PCDHGA7: variants seen among roughly 807,000 people sequenced by gnomAD.
The protein encoded by PCDHGA7 is protocadherin gamma subfamily A, 7, also known as protocadherin gamma-A7.
In PCDHGA7, 44 loss-of-function variants were observed where a neutral mutation model predicts 58.3. The observed-to-expected ratio is 0.75, with a 90% confidence interval of 0.59 to 0.97. PCDHGA7 has a LOEUF of 0.97. Ranked by LOEUF, PCDHGA7 falls within the 50% of genes least tolerant of loss-of-function variation. The pLI, the probability that PCDHGA7 is intolerant of heterozygous loss-of-function variation, is 0.00. For synonymous variants in PCDHGA7, 516 were observed against 504.2 expected, an observed-to-expected ratio of 1.02 and a Z score of -0.31; for missense variants, 1,266 against 1,188.7, an observed-to-expected ratio of 1.06 and a Z score of -0.96.
At position 141,485,060 on chromosome 5, in the gene PCDHGA7, G is replaced by A. The variant is rs191055161; in HGVS notation, c.2425-9747G>A. 155 of 862,304 alleles carry A rather than the reference G, an allele frequency of 1.8e-4. No individual in the cohort carries two copies. The African/African-American group carries it at 2.3e-3, about 13-fold the overall frequency. 53.4% of individuals were successfully genotyped at this position (862,304 alleles called of 1,614,324 possible). ...ACCCTTGCGGCGCCGGCCGAACCGCGCCAGAGCTGGCGCGGGGAAAGGGAG... is the reference window on the plus strand; with the variant it reads ...ACCCTTGCGGCGCCGGCCGAACCGCACCAGAGCTGGCGCGGGGAAAGGGAG... On this transcript the variant is annotated intron_variant, in intron 1 of 3. Transcript: ENST00000518325. This position sits in a 1 kb window ranked among gnomAD's most constrained non-coding sequence, Gnocchi z 5.7.
At chr5:141,418,823 A>G (rs985060966) in intron 1 of PCDHGA7, 7 of 1,613,868 alleles carry the variant, frequency 4.3e-6, no homozygotes, top group Admixed American at 3.3e-5. Context: ...CATAGAAGCA[A>G]AAGACCGAGG....
Position 141,410,674 on chromosome 5 carries a change from A to G in PCDHGA7, c.2424+25351A>G. 3.2e-6 allele frequency: 5 copies of G among 1,551,418 alleles called. No homozygotes were observed. In the South Asian group the frequency reaches 3.6e-5, roughly 11 times the overall value. On this transcript the variant is annotated intron_variant, in intron 1 of 3. Coordinates refer to ENST00000518325, the MANE Select transcript of PCDHGA7 (RefSeq NM_018920.4). ...ATCTAATAGTCTACTAGTTTCTCATATTTTAGGCATACTACTTTATTTTCA... is the reference window on the plus strand; with the variant it reads ...ATCTAATAGTCTACTAGTTTCTCATGTTTTAGGCATACTACTTTATTTTCA...
chr5:141,398,747 A>G (rs1046077050), intron 1 of PCDHGA7: 5 of 1,613,378 alleles, frequency 3.1e-6, no homozygotes, highest in Non-Finnish European at 4.2e-6. Flanking sequence ...CAACAGAGTT[A>G]CCATCGTTTA....
At chr5:141,411,846 T>C (rs962000304) in intron 1 of PCDHGA7, 1 of 151,734 alleles carries the variant, frequency 6.6e-6, no homozygotes, top group African/African-American at 2.4e-5. Context: ...GGTGACAGAG[T>C]GAGACCCTGT....
rs2099687792 is a variant in PCDHGA7, at chr5:141,489,485, G to GT, written c.2425-5321dup. Reference sequence around the variant, plus strand: ...TATTTTTCCCTGAGCTTGATGAGTGGTGCCCTGGCAGTGAATCAAAAGATT... The same window carrying GT: ...TATTTTTCCCTGAGCTTGATGAGTGGTTGCCCTGGCAGTGAATCAAAAGATT... On this transcript the variant is annotated intron_variant, in intron 1 of 3. Coordinates refer to ENST00000518325, the MANE Select transcript of PCDHGA7 (RefSeq NM_018920.4). This position sits in a 1 kb window ranked among gnomAD's most constrained non-coding sequence, Gnocchi z 4.5. The GT allele has an allele frequency of 6.2e-7, 1 of 1,614,088 alleles. No individual in the cohort carries two copies. The highest frequency in any genetic ancestry group is 2.2e-5 in the East Asian group (1 of 44,868).
In PCDHGA7 at chr5:141,476,524, T is replaced by C. The variant is rs1350353768; in HGVS notation, c.2425-18283T>C. On this transcript the variant is annotated intron_variant, in intron 1 of 3. Coordinates refer to ENST00000518325, the MANE Select transcript of PCDHGA7 (RefSeq NM_018920.4). The surrounding 1 kb of genome is among the most constrained non-coding windows in gnomAD (Gnocchi z 7.6). ...TCAACGACAACAATCCTGCTTTCCC[T>C]ACCCAGGAAATGAAATTGGAGATTA... 6.2e-7 allele frequency: 1 copy of C among 1,614,182 alleles called. No individual in the cohort carries two copies. Among genetic ancestry groups the C allele is most frequent in the Non-Finnish European group, 8.5e-7 (1 of 1,180,028 alleles).
chr5:141,414,648 T>G (rs2095770464), intron 1 of PCDHGA7: 2 of 1,613,844 alleles, frequency 1.2e-6, no homozygotes, highest in Non-Finnish European at 1.7e-6. Context: ...ATGCCCAGAT[T>G]ATTTACTCCC....
rs1156915249 is a variant in PCDHGA7, at chr5:141,426,840, G to C, written c.2424+41517G>C. 8.8e-6 allele frequency: 4 copies of C among 456,584 alleles called. No individual in the cohort carries two copies. In the East Asian group the frequency reaches 2.8e-4, roughly 32 times the overall value. The allele number at this position is 456,584 out of a possible 1,614,324, so 28.3% of individuals were successfully genotyped here. A position where few individuals can be genotyped will look rare whatever the true frequency, so the allele number is the denominator to read the frequency against. On this transcript the variant is annotated intron_variant, in intron 1 of 3. Transcript: ENST00000518325. Reference sequence around the variant, plus strand: ...CTCTCTGATGATGGACAAGACTAAAGGCAAGAACGCTCCAGAATTAGTGCT... The same window carrying C: ...CTCTCTGATGATGGACAAGACTAAACGCAAGAACGCTCCAGAATTAGTGCT...
intron 1 of PCDHGA7, among the ~76,000 whole-genome samples, chr5:141,459,759 G>A (rs1164466104): frequency 7.2e-5 from 11 of 152,206 alleles, no homozygotes; most frequent in Non-Finnish European, 2.9e-5. Context: ...TCTAGTGGGT[G>A]TGTGATACTA....
chr5:141,422,546 G>T, intron 1 of PCDHGA7: 2 of 1,613,972 alleles, frequency 1.2e-6, no homozygotes, highest in South Asian at 2.2e-5. Flanking sequence ...ACTCATGTCT[G>T]GCTGAATGTG....
Position 141,485,119 on chromosome 5 carries a change from C to A in PCDHGA7, c.2425-9688C>A. 3.0e-6 allele frequency: 4 copies of A among 1,328,812 alleles called. No homozygotes were observed. Among genetic ancestry groups the A allele is most frequent in the Non-Finnish European group, 4.3e-6 (4 of 935,940 alleles). The allele number at this position is 1,328,812 out of a possible 1,614,324, so 82.3% of individuals were successfully genotyped here. ...CTCCAGCTGCTGTGGCTGTTTGGGG[C>A]GGGTCGGCTTCATCCGCGTCTCAGG... On this transcript the variant is annotated intron_variant, in intron 1 of 3. Transcript: ENST00000518325. This position sits in a 1 kb window ranked among gnomAD's most constrained non-coding sequence, Gnocchi z 5.7.
At chr5:141,425,484 TA>T (rs929097245) in intron 1 of PCDHGA7, among the ~76,000 whole-genome samples, 1 of 152,258 alleles carries the variant, frequency 6.6e-6, no homozygotes, top group African/African-American at 2.4e-5. Context: ...TATGGCAACC[TA>T]CTAGGCTATA....
intron 1 of PCDHGA7, among the ~76,000 whole-genome samples, chr5:141,429,812 A>G (rs2097246172): frequency 6.6e-6 from 1 of 152,226 alleles, no homozygotes; most frequent in South Asian, 2.1e-4. Context: ...AGTAATTACA[A>G]TTAGGTCAGT....
At chr5:141,403,050 A>G in intron 1 of PCDHGA7, 2 of 1,614,060 alleles carry the variant, frequency 1.2e-6, no homozygotes, top group Non-Finnish European at 1.7e-6. Flanking sequence ...CAGATTCGCT[A>G]CTCAGTGCCT....
At chr5:141,408,967 G>GC in intron 1 of PCDHGA7, 2 of 1,613,782 alleles carry the variant, frequency 1.2e-6, no homozygotes, top group Non-Finnish European at 1.7e-6. Context: ...GTGAAAATCT[G>GC]CCCCCTGGGT....
In PCDHGA7 at chr5:141,382,982, C is replaced by A. The variant is rs1778673770; in HGVS notation, c.83C>A (p.Ala28Glu). Residue 28 changes from alanine (A) to glutamate (E), a missense_variant, in exon 1 of 4, where the codon GCA becomes GAA. By Grantham distance (107) the Ala-to-Glu change is moderately radical. Transcript: ENST00000518325. ...CTGGGGACCCCCTGGGAAGCCTGGGCAGGACGTATTCTCTACTCCGTGTCG... is the reference window on the plus strand; with the variant it reads ...CTGGGGACCCCCTGGGAAGCCTGGGAAGGACGTATTCTCTACTCCGTGTCG... ...ILLGTPWEAW[A>E]GRILYSVSEE... is the part of the protein sequence containing the mutation. 1 of 1,612,206 alleles carries A rather than the reference C, an allele frequency of 6.2e-7. No individual in the cohort carries two copies. The highest frequency in any genetic ancestry group is 8.5e-7 in the Non-Finnish European group (1 of 1,178,682).
intron 1 of PCDHGA7, among the ~76,000 whole-genome samples, chr5:141,484,184 AG>A (rs1328674334): frequency 6.6e-6 from 1 of 152,244 alleles, no homozygotes; most frequent in Non-Finnish European, 1.5e-5. Flanking sequence ...CAATCATTCA[AG>A]GAAGCTATTA....
intron 1 of PCDHGA7, chr5:141,419,102 A>G (rs201327680): frequency 4.5e-5 from 73 of 1,613,748 alleles, no homozygotes; most frequent in Non-Finnish European, 5.9e-5. Flanking sequence ...TCGGGAGCAG[A>G]CCCCAGAGTA....
At chr5:141,393,722 A>T in intron 1 of PCDHGA7, 1 of 1,613,892 alleles carries the variant, frequency 6.2e-7, no homozygotes, top group Non-Finnish European at 8.5e-7. Context: ...AAATATCAAT[A>T]GCAAAAAGTC....
Sources: gnomAD v4.1 joint callset for allele counts (sites outside exome capture counted in the v4.1 genomes callset) on GRCh38, gnomAD v4.1.1 for gene constraint, Gnocchi (gnomAD v3.1) non-coding constraint, MANE v1.5 for transcripts, NCBI Gene and HGNC (gene_info 2026-07-23, HGNC 2026-07-21) for gene names.